Variants in ADAMTS9 observed in about 807,000 individuals in gnomAD.
ADAMTS9 encodes the protein A disintegrin and metalloproteinase with thrombospondin motifs 9.
Under a neutral mutation model 257.1 loss-of-function variants are expected in ADAMTS9, and 107 were observed. The observed-to-expected ratio is 0.42, with a 90% CI of 0.36 to 0.49. ADAMTS9 has a LOEUF of 0.49. Among genes scored for constraint, ADAMTS9 ranks in the 20% least tolerant of loss-of-function variants. The probability of loss-of-function intolerance (pLI) is 0.03; values close to 1 mark genes in which losing one functional copy is unlikely to be tolerated. For synonymous variants in ADAMTS9, 982 were observed against 880.9 expected (o/e 1.11, Z -2.03); for missense variants, 2,353 against 2,469.1 (o/e 0.95, Z 1.00).
Position 64,522,262 on chromosome 3 carries a change from T to TG in ADAMTS9, c.5719-3dup. On this transcript the variant is annotated splice_polypyrimidine_tract_variant and splice_region_variant and intron_variant, in intron 38 of 39. Coordinates refer to ENST00000498707, the MANE Select transcript of ADAMTS9 (RefSeq NM_182920.2). ...TTTCCCTACGACTCGGGTACCATCC[T>TG]GCAAGGAGATGCATCATGTTAGCCT... The TG allele has an allele frequency of 6.2e-7, 1 of 1,613,674 alleles. No homozygotes were observed. The highest frequency in any genetic ancestry group is 1.3e-5 in the African/African-American group (1 of 75,040).
chr3:64,565,446 T>C (rs1343443663), intron 29 of ADAMTS9: 1 of 152,200 alleles, frequency 6.6e-6, no homozygotes, highest in Admixed American at 6.5e-5. Flanking sequence ...AATCATGACA[T>C]TGCATAGTTT....
chr3:64,654,719 TG>T (rs1701020059), intron 6 of ADAMTS9, 107 bp from the exon 7 acceptor site: 4 of 1,302,562 alleles, frequency 3.1e-6, no homozygotes, highest in Admixed American at 4.6e-5. Context: ...CACTTTGGGG[TG>T]GGGGTTAAAA....
intron 3 of ADAMTS9, among the ~76,000 whole-genome samples, chr3:64,662,402 A>G (rs556260212): frequency 4.6e-5 from 7 of 152,134 alleles, no homozygotes; most frequent in African/African-American, 1.7e-4. Flanking sequence ...TGTCCAATAG[A>G]TATCTCTTAG....
chr3:64,574,810 C>G (rs1353775546), intron 28 of ADAMTS9, among the ~76,000 whole-genome samples: 1 of 152,074 alleles, frequency 6.6e-6, no homozygotes, highest in Non-Finnish European at 1.5e-5. Context: ...TTAAGACAAC[C>G]AGTTGCTCAC....
At chr3:64,558,704 G>A (rs906730086) in intron 30 of ADAMTS9, among the ~76,000 whole-genome samples, 1 of 152,156 alleles carries the variant, frequency 6.6e-6, no homozygotes, top group Non-Finnish European at 1.5e-5. Context: ...AAACTGGTGG[G>A]TTTTAATAGT....
At chr3:64,576,681 G>A (rs2083857618) in intron 28 of ADAMTS9, among the ~76,000 whole-genome samples, 1 of 152,190 alleles carries the variant, frequency 6.6e-6, no homozygotes, top group Admixed American at 6.5e-5. Context: ...GAAAGCGGAT[G>A]TGGGAGTCAC....
intron 37 of ADAMTS9, among the ~76,000 whole-genome samples, chr3:64,538,877 G>T (rs1243602506): frequency 1.3e-5 from 2 of 151,968 alleles, no homozygotes; most frequent in African/African-American, 4.8e-5. Flanking sequence ...GCACTCCGCT[G>T]ACTGTACAAT....
rs566596187 is a variant in ADAMTS9 at position 64,568,281 on chromosome 3, C to T, written c.4524+87G>A. On this transcript the variant is annotated intron_variant, in intron 29 of 39. Coordinates refer to ENST00000498707, the MANE Select transcript of ADAMTS9 (RefSeq NM_182920.2). ...GAGCTCCCCTCGGTAAAACCAAAAC[C>T]GTGCATAGAAACACAAGTGAACACA... The T allele has an allele frequency of 7.4e-5, 108 of 1,463,328 alleles. No individual in the cohort carries two copies. In the South Asian group the frequency reaches 1.2e-3, roughly 17 times the overall value. The allele number at this position is 1,463,328 out of a possible 1,614,324, so 90.6% of individuals were successfully genotyped here.
chr3:64,652,379 C>G (rs1330312616), intron 8 of ADAMTS9, among the ~76,000 whole-genome samples: 1 of 152,176 alleles, frequency 6.6e-6, no homozygotes, highest in African/African-American at 2.4e-5. Flanking sequence ...AAACATGAGA[C>G]TCCTATGCTT....
chr3:64,583,400 T>C (rs532015385), intron 28 of ADAMTS9: 1 of 152,324 alleles, frequency 6.6e-6, no homozygotes, highest in South Asian at 2.1e-4. Flanking sequence ...AATTCAACTC[T>C]CCAGAGAGAA....
intron 26 of ADAMTS9, among the ~76,000 whole-genome samples, chr3:64,597,698 CA>C (rs2106797943): frequency 6.6e-6 from 1 of 152,318 alleles, no homozygotes; most frequent in East Asian, 1.9e-4. Context: ...CATGGTTTGT[CA>C]TGGGGTTATG....
rs1467218796 is a variant in ADAMTS9, at chr3:64,641,836, T to C, written c.1856+12A>G. ...CACGGCAGTAATAACAGTTATACAT[T>C]CTAGGACTTACTCTGGTCTGTTGCA... On this transcript the variant is annotated intron_variant, in intron 12 of 39. Transcript: ENST00000498707. 6.2e-7 allele frequency: 1 copy of C among 1,613,734 alleles called. No homozygotes were observed. Among genetic ancestry groups the C allele is most frequent in the Non-Finnish European group, 8.5e-7 (1 of 1,179,894 alleles).
At chr3:64,610,601 T>C (rs756794998) in intron 22 of ADAMTS9, among the ~76,000 whole-genome samples, 68 of 152,188 alleles carry the variant, frequency 4.5e-4, no homozygotes, top group Non-Finnish European at 8.2e-4. Flanking sequence ...ATGATCAGTA[T>C]CTTTTGTTAT....
chr3:64,634,887 T>C lies in ADAMTS9; in HGVS notation c.1857-1008A>G, dbSNP rs953650881. Among the ~76,000 whole-genome samples, 5 of 152,166 alleles carry C rather than the reference T, an allele frequency of 3.3e-5. No homozygotes were observed. In the East Asian group the frequency reaches 9.6e-4, roughly 29 times the overall value. Reference sequence around the variant, plus strand: ...CAGGAGTTTTGGGGAATGAGAAATATATCCCTGCTCACGAAATATAGAATG... The same window carrying C: ...CAGGAGTTTTGGGGAATGAGAAATACATCCCTGCTCACGAAATATAGAATG... On this transcript the variant is annotated intron_variant, in intron 12 of 39. Coordinates refer to ENST00000498707, the MANE Select transcript of ADAMTS9 (RefSeq NM_182920.2).
chr3:64,627,437 T>C (rs1456311929), intron 16 of ADAMTS9, among the ~76,000 whole-genome samples: 3 of 152,122 alleles, frequency 2.0e-5, no homozygotes, highest in Non-Finnish European at 4.4e-5. Context: ...CATCTTCCCA[T>C]TGCCACAATT....
intron 19 of ADAMTS9, among the ~76,000 whole-genome samples, chr3:64,619,734 G>T (rs973117522): frequency 6.6e-6 from 1 of 152,102 alleles, no homozygotes; most frequent in Non-Finnish European, 1.5e-5. Context: ...CCATTACAGA[G>T]TACTGGGGAA....
chr3:64,630,159 G>A (rs1463482039), intron 16 of ADAMTS9, among the ~76,000 whole-genome samples: 1 of 151,992 alleles, frequency 6.6e-6, no homozygotes, highest in Non-Finnish European at 1.5e-5. Flanking sequence ...TGTGTAAGGT[G>A]ATCAGTTAAA....
chr3:64,553,739 C>A (rs2083297702), intron 30 of ADAMTS9, among the ~76,000 whole-genome samples: 1 of 152,004 alleles, frequency 6.6e-6, no homozygotes, highest in Non-Finnish European at 1.5e-5. Context: ...TGGAGTCAGT[C>A]CTCATTTTTC....
At chr3:64,624,429 C>T (rs1222200365) in intron 16 of ADAMTS9, among the ~76,000 whole-genome samples, 1 of 151,880 alleles carries the variant, frequency 6.6e-6, no homozygotes, top group African/African-American at 2.4e-5. Context: ...AGTTGAACAC[C>T]TTAAATATAT....
Sources: allele counts gnomAD v4.1 joint callset (sites outside exome capture counted in the v4.1 genomes callset), GRCh38; gene constraint gnomAD v4.1.1; transcripts MANE v1.5; gene names NCBI Gene and HGNC (gene_info 2026-07-23, HGNC 2026-07-21).